Variants in GSE1 observed in about 807,000 individuals in gnomAD.
The protein encoded by GSE1 is Gse1 coiled-coil protein.
GSE1 carries 32 observed loss-of-function variants against 112.6 expected under a neutral mutation model. That is an observed-to-expected ratio of 0.28 (90% CI 0.21 to 0.38). GSE1 has a LOEUF of 0.38. Among genes scored for constraint, GSE1 ranks in the 10% least tolerant of loss-of-function variants. The probability of loss-of-function intolerance (pLI) is 1.00; values close to 1 mark genes in which losing one functional copy is unlikely to be tolerated. For missense variants in GSE1, 2,348 were observed against 1,699.2 expected (o/e 1.38, Z -6.71); for synonymous variants, 1,115 against 735.6 (o/e 1.52, Z -8.35).
intron 2 of GSE1, among the ~76,000 whole-genome samples, chr16:85,402,517 G>A (rs184159917): frequency 6.6e-6 from 1 of 152,350 alleles, no homozygotes; most frequent in East Asian, 1.9e-4. Context: ...CCCAGAGAGA[G>A]TGGCCTGCAA....
At chr16:85,479,303 A>G (rs1451018246) in intron 2 of GSE1, among the ~76,000 whole-genome samples, 2 of 145,958 alleles carry the variant, frequency 1.4e-5, no homozygotes, top group African/African-American at 5.1e-5. Flanking sequence ...AAGTGCTAGG[A>G]TTACAGGCGT....
intron 1 of GSE1, among the ~76,000 whole-genome samples, chr16:85,588,831 C>T (rs962036652): frequency 6.6e-6 from 1 of 152,142 alleles, no homozygotes. Context: ...CACCCGAGGC[C>T]TGCTGCCTCC....
intron 13 of GSE1, among the ~76,000 whole-genome samples, chr16:85,667,065 GC>G (rs1300009369): frequency 1.3e-5 from 2 of 152,240 alleles, no homozygotes; most frequent in African/African-American, 4.8e-5. Context: ...AACATCCCTG[GC>G]TTTTGGTATT....
chr16:85,600,993 G>A (rs867880094), intron 1 of GSE1, among the ~76,000 whole-genome samples: 13 of 148,084 alleles, frequency 8.8e-5, no homozygotes, highest in Admixed American at 4.6e-4. Context: ...AGGGAAGGTC[G>A]GCTTCCACCA....
chr16:85,497,348 A>C (rs1371888088), intron 2 of GSE1, among the ~76,000 whole-genome samples: 1 of 152,182 alleles, frequency 6.6e-6, no homozygotes, highest in Non-Finnish European at 1.5e-5. Flanking sequence ...ATCCTAGCAC[A>C]TGTGGGACCT....
intron 1 of GSE1, chr16:85,556,441 GC>G: frequency 1.6e-6 from 1 of 610,056 alleles, no homozygotes; most frequent in Non-Finnish European, 2.0e-6. Context: ...ACCCCCCTCC[GC>G]CAGACCCCCG....
intron 1 of GSE1, among the ~76,000 whole-genome samples, chr16:85,334,561 A>C (rs1307866662): frequency 6.6e-6 from 1 of 151,804 alleles, no homozygotes; most frequent in East Asian, 1.9e-4. Flanking sequence ...CAGAGGGTGG[A>C]CTCTGAGGTG....
chr16:85,320,468 G>GTTTTGTTTTGTTTTGT (rs965789175), intron 1 of GSE1, among the ~76,000 whole-genome samples: 1 of 151,780 alleles, frequency 6.6e-6, no homozygotes, highest in Non-Finnish European at 1.5e-5. Flanking sequence ...GTTTTGTTTT[G>GTTTTGTTTTGTTTTGT]TTTTTTTGTA....
At chr16:85,478,118 C>T (rs904649667) in intron 2 of GSE1, among the ~76,000 whole-genome samples, 2 of 152,198 alleles carry the variant, frequency 1.3e-5, no homozygotes, top group Non-Finnish European at 1.5e-5. Flanking sequence ...AAATGGACCT[C>T]CCACACTGTG....
chr16:85,173,904 A>G (rs2074409086), intron 1 of GSE1, among the ~76,000 whole-genome samples: 1 of 152,208 alleles, frequency 6.6e-6, no homozygotes, highest in South Asian at 2.1e-4. Context: ...TCCCTAGAAC[A>G]AGTTAGTGCA....
intron 1 of GSE1, among the ~76,000 whole-genome samples, chr16:85,208,921 C>CGGGGTTCGCCTGTGTT (rs1422601421): frequency 4.8e-5 from 6 of 124,190 alleles, no homozygotes; most frequent in Admixed American, 3.4e-4. Context: ...TGCCACGTGT[C>CGGGGTTCGCCTGTGTT]GGGGTTCGCC....
chr16:85,305,155 C>G (rs542070365), intron 1 of GSE1, among the ~76,000 whole-genome samples: 2 of 152,216 alleles, frequency 1.3e-5, no homozygotes, highest in African/African-American at 4.8e-5. Context: ...AGATTCCCCA[C>G]CCCCATGACT....
chr16:85,385,173 G>A (rs1001145527), intron 2 of GSE1, among the ~76,000 whole-genome samples: 6 of 152,258 alleles, frequency 3.9e-5, no homozygotes, highest in African/African-American at 1.4e-4. Context: ...GGTGCCTGGG[G>A]CAGGGCACCC....
Position 85,668,171 on chromosome 16 carries a change from C to T in GSE1, c.3162C>T (p.Asn1054=). 1 of 1,604,302 alleles carries T rather than the reference C, an allele frequency of 6.2e-7. No individual in the cohort carries two copies. The highest frequency in any genetic ancestry group is 8.5e-7 in the Non-Finnish European group (1 of 1,173,746). The change falls in exon 14 of 16, where the codon AAC becomes AAT. Residue 1054 remains asparagine (N), a synonymous_variant. Transcript: ENST00000253458. Reference sequence around the variant, plus strand: ...TGGCTGTGCTGTCTGCAGAGCAGAACCACAAGGTTGACACGTCCGTCCACT... The same window carrying T: ...TGGCTGTGCTGTCTGCAGAGCAGAATCACAAGGTTGACACGTCCGTCCACT... ...GSVAVLSAEQ[N]HKVDTSVHYN...
At chr16:85,510,958 G>C (rs2151932248) in intron 2 of GSE1, among the ~76,000 whole-genome samples, 1 of 152,314 alleles carries the variant, frequency 6.6e-6, no homozygotes, top group African/African-American at 2.4e-5. Context: ...GGGTCAAAAA[G>C]CACCCCGTTC....
At chr16:85,522,085 T>C (rs1427771200) in intron 2 of GSE1, among the ~76,000 whole-genome samples, 1 of 152,202 alleles carries the variant, frequency 6.6e-6, no homozygotes, top group East Asian at 1.9e-4. Flanking sequence ...GGCAGGCATA[T>C]CTGGGCGGAT....
intron 1 of GSE1, among the ~76,000 whole-genome samples, chr16:85,622,609 G>A (rs544262757): frequency 5.9e-5 from 9 of 152,298 alleles, no homozygotes; most frequent in Non-Finnish European, 8.8e-5. Flanking sequence ...AGAGGGTCTG[G>A]TCCGCCACTT....
intron 1 of GSE1, among the ~76,000 whole-genome samples, chr16:85,598,475 A>C (rs1303957062): frequency 6.6e-6 from 1 of 152,128 alleles, no homozygotes; most frequent in East Asian, 1.9e-4. Context: ...ATTAGAAACC[A>C]ACTTTGATCT....
chr16:85,487,399 G>C (rs529608276), intron 2 of GSE1, among the ~76,000 whole-genome samples: 53 of 152,298 alleles, frequency 3.5e-4, no homozygotes, highest in Non-Finnish European at 6.5e-4. Flanking sequence ...GCTGTGACAG[G>C]CATGTCGAGG....
Sources: allele counts gnomAD v4.1 joint callset (sites outside exome capture counted in the v4.1 genomes callset), GRCh38; gene constraint gnomAD v4.1.1; transcripts MANE v1.5; gene names NCBI Gene and HGNC (gene_info 2026-07-23, HGNC 2026-07-21).